The following ZNF467 variants were observed in gnomAD, a reference collection of about 807,000 sequenced individuals.
ZNF467 encodes the protein zinc finger protein 467, also known as zinc finger protein EZI.
Under a neutral mutation model 47.8 loss-of-function variants are expected in ZNF467, and 51 were observed. The ratio of observed to expected loss-of-function variants is 1.07; its 90% CI spans 0.85 to 1.35. The LOEUF (loss-of-function observed/expected upper bound fraction) is 1.35, where lower values mean the gene tolerates loss of function less well. Ranked by LOEUF, ZNF467 falls within the 40% of genes most tolerant of loss-of-function variation. The pLI, the probability that ZNF467 is intolerant of heterozygous loss-of-function variation, is 0.00. For synonymous variants in ZNF467, 416 were observed against 372.9 expected, an observed-to-expected ratio of 1.12 and a Z score of -1.33; for missense variants, 992 against 858.1, an observed-to-expected ratio of 1.16 and a Z score of -1.95.
chr7:149,766,794 GCT>G (rs983460814), intron 4 of ZNF467, among the ~76,000 whole-genome samples: 5 of 152,156 alleles, frequency 3.3e-5, no homozygotes, highest in Non-Finnish European at 7.3e-5. Flanking sequence ...TGCTTCTCTT[GCT>G]CTCTAACCCC....
At chr7:149,776,498 C>T, upstream of ZNF467, 2 of 1,318,094 alleles carry the variant, frequency 1.5e-6, no homozygotes, top group African/African-American at 1.5e-5. Context: ...CTTACCCGGT[C>T]CCCAGCGCCT....
upstream of ZNF467, among the ~76,000 whole-genome samples, chr7:149,774,140 G>C: frequency 6.6e-6 from 1 of 152,004 alleles, no homozygotes; most frequent in Non-Finnish European, 1.5e-5. This position sits in a 1 kb window ranked among gnomAD's most constrained non-coding sequence, Gnocchi z 5.7. Context: ...GGCGGGAGAC[G>C]ATTGCTGGGG....
chr7:149,768,349 T>C (rs1409061076), intron 4 of ZNF467, among the ~76,000 whole-genome samples: 3 of 152,222 alleles, frequency 2.0e-5, no homozygotes, highest in African/African-American at 4.8e-5. Flanking sequence ...CAACTGTAGA[T>C]GAAGTGTTGT....
upstream of ZNF467, chr7:149,776,008 C>A (rs376761807): frequency 7.4e-7 from 1 of 1,357,324 alleles, no homozygotes. Context: ...CCAAGCCTCA[C>A]GTTCCCCAAA....
rs776720350 is a variant in ZNF467, at chr7:149,770,488, C to T, written c.103G>A (p.Glu35Lys). 1.9e-6 allele frequency: 3 copies of T among 1,613,742 alleles called. No homozygotes were observed. Among genetic ancestry groups the T allele is most frequent in the African/African-American group, 2.7e-5 (2 of 74,920 alleles). Residue 35 changes from glutamate (E) to lysine (K), a missense_variant, in exon 3 of 5, where the codon GAG becomes AAG. Transcript: ENST00000302017. ...TCTTCCCTAGAAGAGGACATCTGCTCCTGGGCATTATGGGATCCTTCCCTG... is the reference window on the plus strand; with the variant it reads ...TCTTCCCTAGAAGAGGACATCTGCTTCTGGGCATTATGGGATCCTTCCCTG... ...EPREGSHNAQ[E>K]QMSSSREERA... is the part of the protein sequence containing the mutation.
At chr7:149,774,053 G>A (rs1384796821), upstream of ZNF467, among the ~76,000 whole-genome samples, 1 of 152,010 alleles carries the variant, frequency 6.6e-6, no homozygotes, top group Non-Finnish European at 1.5e-5. This position sits in a 1 kb window ranked among gnomAD's most constrained non-coding sequence, Gnocchi z 5.7. Flanking sequence ...AGGCTGGGAC[G>A]GGGCTGGGCG....
In ZNF467 at chr7:149,765,741, C is replaced by T. The variant is rs1467773558; in HGVS notation, c.761G>A (p.Ser254Asn). The T allele has an allele frequency of 6.2e-7, 1 of 1,613,014 alleles. No homozygotes were observed. Among genetic ancestry groups the T allele is most frequent in the Non-Finnish European group, 8.5e-7 (1 of 1,179,654 alleles). ...YPCAECGKRF[S>N]QKIHLGSHQK... ...GTGCGAGCCCAGGTGGATCTTCTGGCTGAAGCGCTTGCCGCACTCCGCGCA... is the reference window on the plus strand; with the variant it reads ...GTGCGAGCCCAGGTGGATCTTCTGGTTGAAGCGCTTGCCGCACTCCGCGCA... Residue 254 changes from serine to asparagine, a missense_variant, in exon 5 of 5, where the codon AGC becomes AAC. Ser to Asn is a conservative substitution (Grantham distance 46). Coordinates refer to ENST00000302017, the MANE Select transcript of ZNF467 (RefSeq NM_207336.3).
At chr7:149,768,468 T>G (rs558408931) in intron 4 of ZNF467, among the ~76,000 whole-genome samples, 24 of 152,378 alleles carry the variant, frequency 1.6e-4, no homozygotes, top group African/African-American at 5.5e-4. Flanking sequence ...CAGGTCCAGG[T>G]AACTCTACAG....
chr7:149,770,947 C>G, intron 2 of ZNF467, 52 bp downstream of exon 2: 1 of 1,613,122 alleles, frequency 6.2e-7, no homozygotes, highest in Non-Finnish European at 8.5e-7. Context: ...TTGTAGATGC[C>G]CCTGAATCCT....
Position 149,764,543 on chromosome 7 carries a change from G to C in ZNF467, c.*171C>G. 8.2e-7 allele frequency: 1 copy of C among 1,224,950 alleles called. No individual in the cohort carries two copies. Among genetic ancestry groups the C allele is most frequent in the Non-Finnish European group, 1.2e-6 (1 of 859,152 alleles). The allele number at this position is 1,224,950 out of a possible 1,614,324, so 75.9% of individuals were successfully genotyped here. ...GGTTCGCTGAGTCTCTGTCCTAGGAGGTCCGAGCTGGGTATGCTGTGCGGA... is the reference window on the plus strand; with the variant it reads ...GGTTCGCTGAGTCTCTGTCCTAGGACGTCCGAGCTGGGTATGCTGTGCGGA... On this transcript the variant is annotated 3_prime_UTR_variant, in exon 5 of 5. Coordinates refer to ENST00000302017, the MANE Select transcript of ZNF467 (RefSeq NM_207336.3).
Position 149,765,537 on chromosome 7 carries a change from T to C in ZNF467, c.965A>G (p.His322Arg), listed in dbSNP as rs1188552373. Reference sequence around the variant, plus strand: ...GGGCCTGGCCGGGCCGGCCGTCTGGTGCACCCTTTGGTGCCGCACCAAGTG... The same window carrying C: ...GGGCCTGGCCGGGCCGGCCGTCTGGCGCACCCTTTGGTGCCGCACCAAGTG... ...KQHLVRHQRV[H>R]QTAGPARPSP... is the part of the protein sequence containing the mutation. Residue 322 changes from histidine to arginine, a missense_variant, in exon 5 of 5, where the codon CAC becomes CGC. By Grantham distance (29) the His-to-Arg change is conservative. Transcript: ENST00000302017. The C allele has an allele frequency of 6.3e-7, 1 of 1,580,698 alleles. No individual in the cohort carries two copies.
At position 149,764,219 on chromosome 7, in the gene ZNF467, C is replaced by T. The variant is rs1311840536; in HGVS notation, c.*495G>A. The T allele has an allele frequency of 2.9e-6, 1 of 348,890 alleles. No individual in the cohort carries two copies. Among genetic ancestry groups the T allele is most frequent in the Admixed American group, 4.7e-5 (1 of 21,186 alleles). The allele number at this position is 348,890 out of a possible 1,614,324, so 21.6% of individuals were successfully genotyped here. Reference sequence around the variant, plus strand: ...TATATTACATTTTTATTTGGGAGAACCAATTAACAGCAGCTGGCTAAATGT... The same window carrying T: ...TATATTACATTTTTATTTGGGAGAATCAATTAACAGCAGCTGGCTAAATGT... On this transcript the variant is annotated 3_prime_UTR_variant, in exon 5 of 5. Transcript: ENST00000302017.
At position 149,765,602 on chromosome 7, in the gene ZNF467, G is replaced by T. The variant is rs1474196533; in HGVS notation, c.900C>A (p.Tyr300Ter). ...AGCTGCGTGCGCACTGTGCGCACTG[G>T]TAGGGCCTCTCGCCCGTATGGATGC... ...HQRIHTGERPYQCAQCARSFT... is the reference protein window; with the variant it reads ...HQRIHTGERP The change falls in exon 5 of 5, where the codon TAC becomes TAA. Residue 300 changes from tyrosine (Y) to a stop codon, truncating the protein, a stop_gained. Transcript: ENST00000302017. LOFTEE classifies it high-confidence loss of function. 1 of 1,602,346 alleles carries T rather than the reference G, an allele frequency of 6.2e-7. No individual in the cohort carries two copies. Among genetic ancestry groups the T allele is most frequent in the African/African-American group, 1.3e-5 (1 of 74,784 alleles).
chr7:149,772,731 A>C (rs1585962021), intron 1 of ZNF467, among the ~76,000 whole-genome samples: 1 of 103,836 alleles, frequency 9.6e-6, no homozygotes, highest in African/African-American at 3.9e-5. Flanking sequence ...TCCCGCCCCT[A>C]CCGAGTGGCC....
chr7:149,774,579 C>G (rs1799524067), upstream of ZNF467, among the ~76,000 whole-genome samples: 1 of 152,166 alleles, frequency 6.6e-6, no homozygotes, highest in African/African-American at 2.4e-5. This position sits in a 1 kb window ranked among gnomAD's most constrained non-coding sequence, Gnocchi z 5.7. Context: ...GCCCATCACT[C>G]GGGCTCAGCT....
rs1799129048 is a variant in ZNF467, at chr7:149,765,080, C to T, written c.1422G>A (p.Leu474=). ...CDRRFGSRPN[L]VAHSRAHSGA... is the part of the protein sequence containing the mutation. ...CGCTGTGGGCCCTGGAGTGGGCGAC[C>T]AGATTAGGCCGCGAGCCGAAGCGGC... The change falls in exon 5 of 5, where the codon CTG becomes CTA. Residue 474 remains leucine (L), a synonymous_variant. Transcript: ENST00000302017. 2 of 1,473,380 alleles carry T rather than the reference C, an allele frequency of 1.4e-6. No individual in the cohort carries two copies. Among genetic ancestry groups the T allele is most frequent in the Non-Finnish European group, 1.8e-6 (2 of 1,117,164 alleles). The allele number at this position is 1,473,380 out of a possible 1,614,324, so 91.3% of individuals were successfully genotyped here.
In ZNF467 at chr7:149,766,150, G is replaced by A. The variant is rs1347100980; in HGVS notation, c.352C>T (p.Leu118Phe). ...TCAGGCGCGGGAAAGGGGCTGGGAAGTAACGATAGATGCTGGGGCCATTCG... is the reference window on the plus strand; with the variant it reads ...TCAGGCGCGGGAAAGGGGCTGGGAAATAACGATAGATGCTGGGGCCATTCG... ...EVEWPQHLSL[L>F]PSPFPAPDLG... Residue 118 changes from leucine (L) to phenylalanine (F), a missense_variant, in exon 5 of 5, where the codon CTT (leucine) becomes TTT (phenylalanine). Coordinates refer to ENST00000302017, the MANE Select transcript of ZNF467 (RefSeq NM_207336.3). 6.3e-7 allele frequency: 1 copy of A among 1,597,024 alleles called. No homozygotes were observed.
In ZNF467 at chr7:149,766,005, T is replaced by C; in HGVS notation, c.497A>G (p.Glu166Gly). The change falls in exon 5 of 5, where the codon GAG (glutamate) becomes GGG (glycine). Residue 166 changes from glutamate to glycine, a missense_variant. Glu to Gly is a moderately conservative substitution (Grantham distance 98). Transcript: ENST00000302017. ...CGTCAGCTGGTCCCGGAAGCGCCGCTCACACTCCCCGCAGCCGTAGGGCTT... is the reference window on the plus strand; with the variant it reads ...CGTCAGCTGGTCCCGGAAGCGCCGCCCACACTCCCCGCAGCCGTAGGGCTT... The part of the protein sequence containing the change: ...PEKPYGCGEC[E>G]RRFRDQLTLR... The C allele has an allele frequency of 6.4e-7, 1 of 1,566,774 alleles. No homozygotes were observed. The highest frequency in any genetic ancestry group is 8.6e-7 in the Non-Finnish European group (1 of 1,156,130).
chr7:149,775,418 A>G (rs1057423639), upstream of ZNF467, among the ~76,000 whole-genome samples: 10 of 152,148 alleles, frequency 6.6e-5, no homozygotes, highest in Non-Finnish European at 1.2e-4. Context: ...GCAGGGGAGC[A>G]TCATCCAGGC....
Sources: gnomAD v4.1 joint callset for allele counts (sites outside exome capture counted in the v4.1 genomes callset) on GRCh38, gnomAD v4.1.1 for gene constraint, Gnocchi (gnomAD v3.1) non-coding constraint, MANE v1.5 for transcripts, NCBI Gene and HGNC (gene_info 2026-07-23, HGNC 2026-07-21) for gene names.